The following KLHL1 variants were observed in gnomAD, a reference collection of about 807,000 sequenced individuals.
KLHL1 encodes the protein kelch-like protein 1.
In KLHL1, 47 loss-of-function variants were observed where a neutral mutation model predicts 77.7. The ratio of observed to expected loss-of-function variants is 0.60; its 90% CI spans 0.48 to 0.77. The LOEUF (loss-of-function observed/expected upper bound fraction) is 0.77, where lower values mean the gene tolerates loss of function less well. Ranked by LOEUF, KLHL1 falls within the 30% of genes least tolerant of loss-of-function variation. KLHL1 has a pLI of 0.00. For synonymous variants in KLHL1, 360 were observed against 325.2 expected (o/e 1.11, Z -1.15); for missense variants, 925 against 910.8 (o/e 1.02, Z -0.20).
chr13:69,926,436 C>G (rs1328972582), intron 4 of KLHL1, among the ~76,000 whole-genome samples: 1 of 152,098 alleles, frequency 6.6e-6, no homozygotes, highest in Non-Finnish European at 1.5e-5. Context: ...ACCTGAGTAT[C>G]TATAAAATAA....
chr13:69,813,828 C>T (rs1246502596), intron 6 of KLHL1, among the ~76,000 whole-genome samples: 1 of 152,158 alleles, frequency 6.6e-6, no homozygotes, highest in Non-Finnish European at 1.5e-5. Flanking sequence ...CTGCTCAAAG[C>T]AATCTACAGA....
At chr13:70,036,743 T>C (rs925707087) in intron 1 of KLHL1, among the ~76,000 whole-genome samples, 3 of 151,792 alleles carry the variant, frequency 2.0e-5, no homozygotes, top group Non-Finnish European at 2.9e-5. Flanking sequence ...TTTCTCTCAT[T>C]AGACTTTGAA....
intron 8 of KLHL1, among the ~76,000 whole-genome samples, chr13:69,736,897 T>G (rs1873788358): frequency 6.6e-6 from 1 of 151,420 alleles, no homozygotes; most frequent in African/African-American, 2.4e-5. Context: ...TAGGAGGGAG[T>G]AGCCAATATG....
rs117709721 is a variant in KLHL1 at position 69,755,544 on chromosome 13, T to C, written c.1640-14988A>G. 1.9e-4 allele frequency among the ~76,000 whole-genome samples: 29 copies of C among 152,274 alleles called. No individual in the cohort carries two copies. In the East Asian group the frequency reaches 1.9e-3, roughly 10 times the overall value. ...AGTAACATTATACAAGCTTCTACTT[T>C]ATATTTGTTATATATTTCAAATATG... On this transcript the variant is annotated intron_variant, in intron 7 of 10. Coordinates refer to ENST00000377844, the MANE Select transcript of KLHL1 (RefSeq NM_020866.3).
chr13:69,880,270 T>C (rs931459235), intron 5 of KLHL1, among the ~76,000 whole-genome samples: 4 of 152,186 alleles, frequency 2.6e-5, no homozygotes, highest in African/African-American at 9.6e-5. Flanking sequence ...GTAATATGCT[T>C]ATAATGACAC....
intron 5 of KLHL1, among the ~76,000 whole-genome samples, chr13:69,855,359 G>C (rs1040053556): frequency 2.0e-5 from 3 of 146,352 alleles, no homozygotes; most frequent in Non-Finnish European, 4.6e-5. Flanking sequence ...CAGACAGATA[G>C]ATACATAGAG....
intron 8 of KLHL1, among the ~76,000 whole-genome samples, chr13:69,724,963 A>G (rs1873231196): frequency 6.6e-6 from 1 of 152,190 alleles, no homozygotes; most frequent in Non-Finnish European, 1.5e-5. Context: ...ATTTCCCCCA[A>G]GCCTCACCAG....
chr13:69,721,651 A>G (rs935155616), intron 8 of KLHL1, among the ~76,000 whole-genome samples: 2 of 152,130 alleles, frequency 1.3e-5, no homozygotes, highest in Non-Finnish European at 2.9e-5. Context: ...ATGCTCTAAT[A>G]CCATATAATA....
intron 4 of KLHL1, among the ~76,000 whole-genome samples, chr13:69,915,680 T>C (rs1882405815): frequency 6.6e-6 from 1 of 152,036 alleles, no homozygotes; most frequent in African/African-American, 2.4e-5. Context: ...GACATAGGCA[T>C]GGGCAAGGAC....
intron 9 of KLHL1, among the ~76,000 whole-genome samples, chr13:69,713,585 C>T (rs1819410): frequency 0.97 from 146,917 of 152,208 alleles, 70,926 homozygotes; most frequent in East Asian, 1. Context: ...AAACCAAATG[C>T]GCCTTTATGT....
At chr13:70,036,655 T>C (rs568597332) in intron 1 of KLHL1, among the ~76,000 whole-genome samples, 1 of 151,940 alleles carries the variant, frequency 6.6e-6, no homozygotes, top group African/African-American at 2.4e-5. Context: ...TGTTGATGTA[T>C]GTGTAGCAGT....
At chr13:69,748,943 C>G (rs1874347704) in intron 7 of KLHL1, among the ~76,000 whole-genome samples, 1 of 151,904 alleles carries the variant, frequency 6.6e-6, no homozygotes, top group Non-Finnish European at 1.5e-5. Context: ...AACATGTTCC[C>G]AGGATTGTTG....
chr13:69,734,817 T>C (rs1873695972), intron 8 of KLHL1, among the ~76,000 whole-genome samples: 1 of 152,100 alleles, frequency 6.6e-6, no homozygotes, highest in African/African-American at 2.4e-5. Context: ...CTATATATAA[T>C]AGTGTCCATA....
At chr13:69,764,581 A>C (rs1875180719) in intron 7 of KLHL1, among the ~76,000 whole-genome samples, 1 of 152,202 alleles carries the variant, frequency 6.6e-6, no homozygotes, top group African/African-American at 2.4e-5. Context: ...TATCATGAGT[A>C]AGTATGTAAG....
chr13:69,823,561 C>T (rs1181279379), intron 6 of KLHL1, among the ~76,000 whole-genome samples: 1 of 151,922 alleles, frequency 6.6e-6, no homozygotes, highest in Non-Finnish European at 1.5e-5. Flanking sequence ...TCTATTAAAA[C>T]ATTAAATCTA....
At chr13:70,094,393 T>TATATATATATATATA (rs1887738580) in intron 1 of KLHL1, among the ~76,000 whole-genome samples, 5 of 137,148 alleles carry the variant, frequency 3.6e-5, no homozygotes, top group African/African-American at 1.6e-4. Flanking sequence ...GCAATCATCT[T>TATATATATATATATA]TATATATATA....
intron 1 of KLHL1, among the ~76,000 whole-genome samples, chr13:70,008,875 T>C (rs554089282): frequency 1.4e-4 from 21 of 152,246 alleles, no homozygotes; most frequent in Admixed American, 2.6e-4. Context: ...ACACTTGTAA[T>C]AGAAAGCAAC....
rs1872936307 is a variant in KLHL1, at chr13:69,719,453, G to A, written c.1931C>T (p.Thr644Ile). The part of the protein sequence containing the change: ...CKRRGGVGVA[T>I]CDGFLYAVGG... ...TACTGCATAAAGAAAACCGTCACAT[G>A]TGGCCACTCCGACACCCCCTCTCCT... is the stretch of plus-strand genomic sequence containing the variant. Residue 644 changes from threonine (T) to isoleucine (I), a missense_variant, in exon 9 of 11, where the codon ACA becomes ATA. Transcript: ENST00000377844. The A allele has an allele frequency of 6.2e-7, 1 of 1,613,574 alleles. No homozygotes were observed. Among genetic ancestry groups the A allele is most frequent in the East Asian group, 2.2e-5 (1 of 44,844 alleles).
intron 7 of KLHL1, among the ~76,000 whole-genome samples, chr13:69,774,602 T>C (rs1463844159): frequency 6.6e-6 from 1 of 152,124 alleles, no homozygotes; most frequent in Non-Finnish European, 1.5e-5. Context: ...AGTGTGGCTC[T>C]GCTTTAGGAG....
Sources: gnomAD v4.1 joint callset for allele counts (sites outside exome capture counted in the v4.1 genomes callset) on GRCh38, gnomAD v4.1.1 for gene constraint, MANE v1.5 for transcripts, NCBI Gene and HGNC (gene_info 2026-07-23, HGNC 2026-07-21) for gene names.